Variants in ADGRL3 observed in about 807,000 individuals in gnomAD.
The protein encoded by ADGRL3 is calcium-independent alpha-latrotoxin receptor 3.
ADGRL3 carries 62 observed loss-of-function variants against 153.5 expected under a neutral mutation model. That is an observed-to-expected ratio of 0.40 (90% confidence interval 0.33 to 0.50). The LOEUF (loss-of-function observed/expected upper bound fraction) is 0.50, where lower values mean the gene tolerates loss of function less well. Among genes scored for constraint, ADGRL3 ranks in the 20% least tolerant of loss-of-function variants. The pLI, the probability that ADGRL3 is intolerant of heterozygous loss-of-function variation, is 0.47. For missense variants in ADGRL3, 1,641 were observed against 1,859.4 expected, an observed-to-expected ratio of 0.88 and a Z score of 2.16; for synonymous variants, 710 against 672.5, an observed-to-expected ratio of 1.06 and a Z score of -0.86.
intron 21 of ADGRL3, among the ~76,000 whole-genome samples, chr4:62,016,521 A>G (rs1309093156): frequency 2.6e-5 from 4 of 152,248 alleles, no homozygotes; most frequent in South Asian, 2.1e-4. Flanking sequence ...ATCCTACATT[A>G]AATCTGTTTC....
intron 1 of ADGRL3, among the ~76,000 whole-genome samples, chr4:61,226,716 A>G (rs570429073): frequency 6.6e-6 from 1 of 152,288 alleles, no homozygotes; most frequent in South Asian, 2.1e-4. Flanking sequence ...CTGGAAGAAT[A>G]CCTGAAGGGT....
At chr4:61,871,129 T>A (rs955538208) in intron 9 of ADGRL3, among the ~76,000 whole-genome samples, 13 of 151,874 alleles carry the variant, frequency 8.6e-5, no homozygotes, top group Admixed American at 3.9e-4. Context: ...ATACAAAAAA[T>A]TAGCCAGGTG....
chr4:61,979,878 A>G (rs919086400), intron 18 of ADGRL3, 106 bp downstream of exon 18: 1 of 961,556 alleles, frequency 1.0e-6, no homozygotes, highest in Non-Finnish European at 1.6e-6. Flanking sequence ...TCTTCTAGTC[A>G]TCTAAGATAG....
At chr4:61,370,759 AGC>A (rs1262436429) in intron 1 of ADGRL3, among the ~76,000 whole-genome samples, 1 of 152,018 alleles carries the variant, frequency 6.6e-6, no homozygotes, top group African/African-American at 2.4e-5. Context: ...CTTGGTGCAG[AGC>A]TGAGTTCAAT....
At chr4:61,987,104 CTTTTATTTTATTTTATTTTATTTTA>C (rs60189277) in intron 19 of ADGRL3, among the ~76,000 whole-genome samples, 5 of 141,164 alleles carry the variant, frequency 3.5e-5, no homozygotes, top group South Asian at 2.2e-4. Context: ...TTGTATATTG[CTTTTATTTTATTTTATTTTATTTTA>C]TTTTATTTTA....
chr4:61,742,284 A>C (rs112666408), intron 8 of ADGRL3, among the ~76,000 whole-genome samples: 15,023 of 151,402 alleles, frequency 0.099, 1,329 homozygotes, highest in African/African-American at 0.24. Flanking sequence ...TCTTCTTATT[A>C]TTATTATTTT....
intron 8 of ADGRL3, among the ~76,000 whole-genome samples, chr4:61,759,345 A>T (rs1391708610): frequency 6.6e-6 from 1 of 152,038 alleles, no homozygotes; most frequent in Non-Finnish European, 1.5e-5. Context: ...ACATAGTCCC[A>T]TATTTCTTGG....
chr4:61,744,382 G>A (rs1169312941), intron 8 of ADGRL3, among the ~76,000 whole-genome samples: 2 of 152,170 alleles, frequency 1.3e-5, no homozygotes, highest in African/African-American at 4.8e-5. Context: ...GCACGCAGCT[G>A]GAGATCTGAG....
rs111382861 is a variant in ADGRL3, at chr4:61,433,253, T to C, written c.-174+50064T>C. 8.6e-3 allele frequency among the ~76,000 whole-genome samples: 1,307 copies of C among 152,292 alleles called. 24 individuals are homozygous for C. The highest frequency in any genetic ancestry group is 0.03 in the African/African-American group (1,242 of 41,552). On this transcript the variant is annotated intron_variant, in intron 2 of 26. Transcript: ENST00000683033. ...TTGTTAAATTTAATTTGCCAATATGTATGTAGTATGTAAGATGTTTTAATA... is the reference window on the plus strand; with the variant it reads ...TTGTTAAATTTAATTTGCCAATATGCATGTAGTATGTAAGATGTTTTAATA...
chr4:61,626,164 A>G lies in ADGRL3; in HGVS notation c.473+38724A>G, dbSNP rs540815083. ...AAAAATTTACTTTTTCATGTGATTT[A>G]AGGATTTATTTTTAAAATATTCCTG... On this transcript the variant is annotated intron_variant, in intron 5 of 26. Transcript: ENST00000683033. Among the ~76,000 whole-genome samples the G allele has an allele frequency of 5.9e-5, 9 of 152,168 alleles. No homozygotes were observed. In the Middle Eastern group the frequency reaches 0.01, roughly 176 times the overall value.
intron 6 of ADGRL3, among the ~76,000 whole-genome samples, chr4:61,704,077 A>T (rs1384519007): frequency 6.6e-6 from 1 of 152,208 alleles, no homozygotes; most frequent in African/African-American, 2.4e-5. Flanking sequence ...TCACAGGGCA[A>T]CTTATTACTT....
chr4:61,730,565 G>A (rs999802410), intron 6 of ADGRL3, 57 bp from the exon 7 acceptor site: 18 of 417,202 alleles, frequency 4.3e-5, no homozygotes, highest in Admixed American at 3.8e-4. Flanking sequence ...GGCCAATACC[G>A]TACCATTAAT....
chr4:61,371,487 T>C (rs1303188814), intron 1 of ADGRL3, among the ~76,000 whole-genome samples: 1 of 151,626 alleles, frequency 6.6e-6, no homozygotes, highest in African/African-American at 2.4e-5. Context: ...CCTTCACTTA[T>C]GAAGCTTAGT....
intron 8 of ADGRL3, among the ~76,000 whole-genome samples, chr4:61,748,090 A>G (rs1439465927): frequency 4.0e-5 from 6 of 151,728 alleles, no homozygotes; most frequent in South Asian, 2.1e-4. Context: ...CCAAATCATG[A>G]GTGAACTCCC....
intron 4 of ADGRL3, among the ~76,000 whole-genome samples, chr4:61,533,117 T>C (rs934727272): frequency 1.3e-5 from 2 of 152,188 alleles, no homozygotes; most frequent in African/African-American, 4.8e-5. Context: ...GGAAAGTTGA[T>C]AGAATTTTGA....
At chr4:61,596,883 A>G (rs1008302970) in intron 5 of ADGRL3, among the ~76,000 whole-genome samples, 2 of 152,188 alleles carry the variant, frequency 1.3e-5, no homozygotes, top group Non-Finnish European at 2.9e-5. Flanking sequence ...AATAACTGTT[A>G]TCCTAGTATT....
chr4:61,707,846 A>G (rs983076979), intron 6 of ADGRL3, among the ~76,000 whole-genome samples: 2 of 152,072 alleles, frequency 1.3e-5, no homozygotes, highest in African/African-American at 4.8e-5. Context: ...TGTGCTTGAT[A>G]CCTTCTGCAA....
chr4:61,551,558 A>G (rs1232420858), intron 4 of ADGRL3, among the ~76,000 whole-genome samples: 2 of 152,190 alleles, frequency 1.3e-5, no homozygotes. Flanking sequence ...CTGTGATTAC[A>G]TTTATATAAA....
At chr4:62,067,946 A>G (rs1161837351) in intron 25 of ADGRL3, among the ~76,000 whole-genome samples, 2 of 152,090 alleles carry the variant, frequency 1.3e-5, no homozygotes, top group South Asian at 4.1e-4. Context: ...TTATATTAGC[A>G]TGTGTTAAGG....
Sources: allele counts gnomAD v4.1 joint callset (sites outside exome capture counted in the v4.1 genomes callset), GRCh38; gene constraint gnomAD v4.1.1; transcripts MANE v1.5; gene names NCBI Gene and HGNC (gene_info 2026-07-23, HGNC 2026-07-21).